Variants in ELMOD3 observed in about 807,000 individuals in gnomAD.
ELMOD3 encodes ELMO domain-containing protein 3.
A neutral mutation model predicts 47.4 loss-of-function variants in ELMOD3; 36 were observed. The observed-to-expected ratio is 0.76, with a 90% CI of 0.58 to 1.00. The LOEUF (loss-of-function observed/expected upper bound fraction) is 1.00, where lower values mean the gene tolerates loss of function less well. ELMOD3 is among the 50% of genes least tolerant of loss of function. The pLI is 0.00. For missense variants in ELMOD3, 404 were observed against 463.8 expected (o/e 0.87, Z 1.18); for synonymous variants, 149 against 183.5 (o/e 0.81, Z 1.52).
chr2:85,374,573 C>T (rs990505671), intron 10 of ELMOD3, among the ~76,000 whole-genome samples: 20 of 151,918 alleles, frequency 1.3e-4, no homozygotes, highest in Non-Finnish European at 2.2e-4. Flanking sequence ...AACTCCTGAC[C>T]TCAAATGATC....
At chr2:85,374,108 A>G (rs977268797) in intron 10 of ELMOD3, among the ~76,000 whole-genome samples, 16 of 151,966 alleles carry the variant, frequency 1.1e-4, no homozygotes, top group African/African-American at 3.9e-4. Flanking sequence ...AAAATGTGCT[A>G]CTTCCTTCTG....
At chr2:85,371,618 G>A (rs1573112997) in intron 10 of ELMOD3, 56 bp downstream of exon 10, 1 of 1,607,986 alleles carries the variant, frequency 6.2e-7, no homozygotes, top group African/African-American at 1.3e-5. Flanking sequence ...CAGGACTAGA[G>A]TGAGAGGCCA....
At position 85,390,417 on chromosome 2, in the gene ELMOD3, C is replaced by T. The variant is rs73945728; in HGVS notation, c.943+152C>T. The T allele has an allele frequency of 1.6e-4, 262 of 1,614,052 alleles. No homozygotes were observed. Among genetic ancestry groups the T allele is most frequent in the Non-Finnish European group, 2.1e-4 (251 of 1,180,042 alleles). On this transcript the variant is annotated intron_variant, in intron 13 of 13. Coordinates refer to ENST00000409013, the MANE Select transcript of ELMOD3 (RefSeq NM_001135022.2). ...TTACCAAAATCTCCATCACCCACCC[C>T]CTGGAGTCTGCTAGTTCTCCTTTCT...
chr2:85,370,306 G>A (rs879453625), intron 8 of ELMOD3, among the ~76,000 whole-genome samples: 6 of 151,906 alleles, frequency 3.9e-5, no homozygotes, highest in African/African-American at 9.7e-5. Context: ...GCTCACACAT[G>A]TAATACCAGC....
At chr2:85,368,983 CT>C (rs567428858) in intron 7 of ELMOD3, among the ~76,000 whole-genome samples, 1 of 152,194 alleles carries the variant, frequency 6.6e-6, no homozygotes, top group Non-Finnish European at 1.5e-5. Context: ...GCTGCCATCC[CT>C]GTCCATCTTT....
rs747035553 is a variant in ELMOD3 at position 85,390,169 on chromosome 2, G to A, written c.847G>A (p.Val283Met). ...TAATCGGCAGCAGAAGGTCATCCCC[G>A]TGGTGAACAGCTTCTATGCCGCCAC... ...ECNRQQKVIP[V>M]VNSFYAATFL... The change falls in exon 13 of 14, where the codon GTG (valine) becomes ATG (methionine). Residue 283 changes from valine to methionine, a missense_variant. Val to Met is a conservative substitution (Grantham distance 21). Coordinates refer to ENST00000409013, the MANE Select transcript of ELMOD3 (RefSeq NM_001135022.2). 11 of 1,614,178 alleles carry A rather than the reference G, an allele frequency of 6.8e-6. No homozygotes were observed. Among genetic ancestry groups the A allele is most frequent in the South Asian group, 1.1e-5 (1 of 91,084 alleles).
At chr2:85,381,490 T>C (rs189872723) in intron 11 of ELMOD3, among the ~76,000 whole-genome samples, 2 of 152,364 alleles carry the variant, frequency 1.3e-5, no homozygotes, top group East Asian at 3.9e-4. Context: ...GACCATAAGA[T>C]ATAACTTCCA....
rs1254818312 is a variant in ELMOD3 at position 85,388,766 on chromosome 2, TTTG to T, written c.739-982_739-980del. Among the ~76,000 whole-genome samples the T allele has an allele frequency of 2.6e-5, 4 of 152,374 alleles. No individual in the cohort carries two copies. In the East Asian group the frequency reaches 7.7e-4, roughly 29 times the overall value. On this transcript the variant is annotated intron_variant, in intron 11 of 13. Transcript: ENST00000409013. ...GTACCACTAAGGAGCTGAATTTATA[TTTG>T]TTTTTCATCTTTAACTCATTTAAAT...
chr2:85,391,020 G>A lies in ELMOD3; in HGVS notation c.*58G>A. Reference sequence around the variant, plus strand: ...CTGCAGGGGCTTTCAGGGGGTCAGTGGAGCCATGTCAGGAGCCTGGCCAGG... The same window carrying A: ...CTGCAGGGGCTTTCAGGGGGTCAGTAGAGCCATGTCAGGAGCCTGGCCAGG... On this transcript the variant is annotated 3_prime_UTR_variant, in exon 14 of 14. Transcript: ENST00000409013. The A allele has an allele frequency of 1.5e-6, 2 of 1,315,746 alleles. No homozygotes were observed. The highest frequency in any genetic ancestry group is 2.1e-6 in the Non-Finnish European group (2 of 955,556). 81.5% of individuals were successfully genotyped at this position (1,315,746 alleles called of 1,614,324 possible).
At chr2:85,355,206 A>T (rs1683461545) in intron 2 of ELMOD3, 36 bp downstream of exon 2, 1 of 152,186 alleles carries the variant, frequency 6.6e-6, no homozygotes, top group Non-Finnish European at 1.5e-5. Flanking sequence ...AAAGTGGCCC[A>T]TAGTTTTGTC....
intron 11 of ELMOD3, 135 bp downstream of exon 11, chr2:85,377,609 G>A (rs969142539): frequency 6.8e-6 from 6 of 884,088 alleles, no homozygotes; most frequent in Non-Finnish European, 9.8e-6. Context: ...ATTGAAATAT[G>A]AGCTGTACCG....
intron 5 of ELMOD3, among the ~76,000 whole-genome samples, chr2:85,362,845 G>A (rs1238260661): frequency 6.6e-6 from 1 of 152,232 alleles, no homozygotes; most frequent in Non-Finnish European, 1.5e-5. Flanking sequence ...TTGAGCCCAG[G>A]AGGTGGAGGT....
chr2:85,371,132 G>A lies in ELMOD3; in HGVS notation c.407G>A (p.Arg136Gln), dbSNP rs529093966. Residue 136 changes from arginine to glutamine, a missense_variant, in exon 9 of 14, where the codon CGA becomes CAA. Transcript: ENST00000409013. Reference sequence around the variant, plus strand: ...CGAAGGACTGGGCTCGCCGCCCTCCGACACTACCTCTTCGGGCCTCCAAAG... The same window carrying A: ...CGAAGGACTGGGCTCGCCGCCCTCCAACACTACCTCTTCGGGCCTCCAAAG... ...TIRRTGLAAL[R>Q]HYLFGPPKLH... 3.5e-5 allele frequency: 56 copies of A among 1,614,224 alleles called. No individual in the cohort carries two copies. Among genetic ancestry groups the A allele is most frequent in the Admixed American group, 2.2e-4 (13 of 60,024 alleles).
chr2:85,370,881 C>G (rs1684740617), intron 8 of ELMOD3, among the ~76,000 whole-genome samples: 1 of 152,118 alleles, frequency 6.6e-6, no homozygotes, highest in East Asian at 1.9e-4. Context: ...TTTCACCTTG[C>G]AAAAAATCTG....
At chr2:85,372,550 CAG>C (rs1386163339) in intron 10 of ELMOD3, 4 of 152,158 alleles carry the variant, frequency 2.6e-5, no homozygotes, top group Middle Eastern at 6.8e-3. Flanking sequence ...CTGAGTGAAA[CAG>C]AATCATTTCA....
At chr2:85,364,825 A>ATATATATATATTTT (rs375582916) in intron 6 of ELMOD3, among the ~76,000 whole-genome samples, 13 of 69,884 alleles carry the variant, frequency 1.9e-4, no homozygotes, top group South Asian at 4.8e-4. Context: ...ATATATATAT[A>ATATATATATATTTT]TTTTTTTTTT....
At chr2:85,386,554 T>C (rs1255115027) in intron 11 of ELMOD3, among the ~76,000 whole-genome samples, 9 of 152,024 alleles carry the variant, frequency 5.9e-5, no homozygotes, top group Admixed American at 4.6e-4. Flanking sequence ...CTAGCTAATT[T>C]TTGCGTTTTT....
intron 10 of ELMOD3, among the ~76,000 whole-genome samples, chr2:85,374,686 C>T (rs1685043982): frequency 6.6e-6 from 1 of 152,010 alleles, no homozygotes; most frequent in Admixed American, 6.6e-5. Context: ...GTGGCGCATG[C>T]TTATAGTCCC....
chr2:85,377,707 G>GAATAT (rs1303303473), intron 11 of ELMOD3, among the ~76,000 whole-genome samples: 1 of 152,236 alleles, frequency 6.6e-6, no homozygotes, highest in Non-Finnish European at 1.5e-5. Context: ...AGTGTTGTTA[G>GAATAT]AAATGCTTGT....
Sources: gnomAD v4.1 joint callset for allele counts (sites outside exome capture counted in the v4.1 genomes callset) on GRCh38, gnomAD v4.1.1 for gene constraint, MANE v1.5 for transcripts, NCBI Gene and HGNC (gene_info 2026-07-23, HGNC 2026-07-21) for gene names.